Variants in RAB11FIP4 observed in about 807,000 individuals in gnomAD.
The protein encoded by RAB11FIP4 is rab11 family-interacting protein 4.
Under a neutral mutation model 74.3 loss-of-function variants are expected in RAB11FIP4, and 23 were observed. That is an observed-to-expected ratio of 0.31 (90% CI 0.22 to 0.44). The LOEUF (loss-of-function observed/expected upper bound fraction) is 0.44. Among genes scored for constraint, RAB11FIP4 ranks in the 20% least tolerant of loss-of-function variants. The pLI, the probability that RAB11FIP4 is intolerant of heterozygous loss-of-function variation, is 1.00. For missense variants in RAB11FIP4, 630 were observed against 863.9 expected (o/e 0.73, Z 3.39); for synonymous variants, 360 against 359.9 (o/e 1.00, Z 0.00).
intron 3 of RAB11FIP4, among the ~76,000 whole-genome samples, chr17:31,436,308 A>T (rs2071356496): frequency 6.6e-6 from 1 of 152,210 alleles, no homozygotes; most frequent in Non-Finnish European, 1.5e-5. Context: ...CTGCTGCTGT[A>T]AGAAAATGGT....
intron 3 of RAB11FIP4, among the ~76,000 whole-genome samples, chr17:31,472,664 G>C (rs2071749519): frequency 6.6e-6 from 1 of 152,168 alleles, no homozygotes; most frequent in Admixed American, 6.5e-5. Flanking sequence ...GGGAAGACAG[G>C]GATGGCCATG....
chr17:31,487,976 C>T lies in RAB11FIP4; in HGVS notation c.337-29675C>T, dbSNP rs540045670. 9.4e-3 allele frequency: 8,754 copies of T among 932,740 alleles called. 56 individuals are homozygous for T. The highest frequency in any genetic ancestry group is 0.011 in the Non-Finnish European group (8,288 of 778,860). 57.8% of individuals were successfully genotyped at this position (932,740 alleles called of 1,614,324 possible). ...CTGTCCTCCGCCCCCGCCCCCGCCC[C>T]GCCCCGGCGCGAGGCCCCGCCCCCG... On this transcript the variant is annotated intron_variant, in intron 3 of 14. Transcript: ENST00000621161.
rs1475758126 is a variant in RAB11FIP4 at position 31,488,078 on chromosome 17, G to C, written c.337-29573G>C. Reference sequence around the variant, plus strand: ...CCCTTCGGCCCACGCGGGTCTCCCGGCAACGGGCGGGGGCGGGGCCGCGCC... The same window carrying C: ...CCCTTCGGCCCACGCGGGTCTCCCGCCAACGGGCGGGGGCGGGGCCGCGCC... On this transcript the variant is annotated intron_variant, in intron 3 of 14. Transcript: ENST00000621161. 4 of 1,016,028 alleles carry C rather than the reference G, an allele frequency of 3.9e-6. No individual in the cohort carries two copies. The African/African-American group carries it at 6.9e-5, about 18-fold the overall frequency. The allele number at this position is 1,016,028 out of a possible 1,614,324, so 62.9% of individuals were successfully genotyped here. A position where few individuals can be genotyped will look rare whatever the true frequency, so the allele number is the denominator to read the frequency against.
chr17:31,413,602 G>A (rs546131406), intron 1 of RAB11FIP4, among the ~76,000 whole-genome samples: 7 of 151,398 alleles, frequency 4.6e-5, no homozygotes, highest in African/African-American at 1.5e-4. Flanking sequence ...CCAACGCCCC[G>A]CTTCTTGAAT....
chr17:31,502,909 G>T (rs546688758), intron 3 of RAB11FIP4, among the ~76,000 whole-genome samples: 1 of 152,120 alleles, frequency 6.6e-6, no homozygotes, highest in East Asian at 1.9e-4. Context: ...TCCCTGTGTC[G>T]TCACATGGTC....
chr17:31,463,528 TC>T (rs2071652913), intron 3 of RAB11FIP4, among the ~76,000 whole-genome samples: 1 of 152,064 alleles, frequency 6.6e-6, no homozygotes, highest in African/African-American at 2.4e-5. Context: ...AGAACCTCCC[TC>T]CACCAGGCCA....
Position 31,521,272 on chromosome 17 carries a change from G to A in RAB11FIP4, c.670G>A (p.Asp224Asn), listed in dbSNP as rs2072659744. 2 of 1,614,052 alleles carry A rather than the reference G, an allele frequency of 1.2e-6. No homozygotes were observed. The highest frequency in any genetic ancestry group is 1.7e-6 in the Non-Finnish European group (2 of 1,179,948). Residue 224 changes from aspartate (D) to asparagine (N), a missense_variant, in exon 5 of 15, where the codon GAT (aspartate) becomes AAT (asparagine). Physicochemically the swap from Asp to Asn is conservative, Grantham distance 23. Coordinates refer to ENST00000621161, the MANE Select transcript of RAB11FIP4 (RefSeq NM_032932.6). ...EQFEDYGEGD[D>N]VDCAPSSPCP... ...GTTTGAAGACTATGGGGAGGGTGACGATGTGGACTGTGCCCCCAGCAGCCC... is the reference window on the plus strand; with the variant it reads ...GTTTGAAGACTATGGGGAGGGTGACAATGTGGACTGTGCCCCCAGCAGCCC...
chr17:31,456,290 C>G (rs2071578004), intron 3 of RAB11FIP4, among the ~76,000 whole-genome samples: 1 of 131,540 alleles, frequency 7.6e-6, no homozygotes, highest in Non-Finnish European at 1.7e-5. Flanking sequence ...CAATCTTGGC[C>G]CAGCCTTCTA....
intron 3 of RAB11FIP4, among the ~76,000 whole-genome samples, chr17:31,464,401 A>G (rs1597931964): frequency 1.3e-5 from 2 of 152,114 alleles, no homozygotes; most frequent in Non-Finnish European, 2.9e-5. Flanking sequence ...CTGCTGCCTC[A>G]TTACAGAGAG....
rs1016047903 is a variant in RAB11FIP4, at chr17:31,521,063, C to T, written c.564-103C>T. Reference sequence around the variant, plus strand: ...CCAGGTCAAGAGCTACAAACTTAATCGGTAGTGCCAATTAAAGGGAAATGC... The same window carrying T: ...CCAGGTCAAGAGCTACAAACTTAATTGGTAGTGCCAATTAAAGGGAAATGC... On this transcript the variant is annotated intron_variant, in intron 4 of 14. Coordinates refer to ENST00000621161, the MANE Select transcript of RAB11FIP4 (RefSeq NM_032932.6). The T allele has an allele frequency of 6.0e-5, 52 of 867,338 alleles. No individual in the cohort carries two copies. In the African/African-American group the frequency reaches 7.3e-4, roughly 12 times the overall value. 53.7% of individuals were successfully genotyped at this position (867,338 alleles called of 1,614,324 possible).
intron 1 of RAB11FIP4, among the ~76,000 whole-genome samples, chr17:31,394,179 G>A (rs2070905128): frequency 6.6e-6 from 1 of 152,188 alleles, no homozygotes; most frequent in Non-Finnish European, 1.5e-5. Flanking sequence ...AAAATAAAAA[G>A]TATTGTGTCC....
intron 1 of RAB11FIP4, among the ~76,000 whole-genome samples, chr17:31,402,156 C>T (rs1177970297): frequency 2.6e-5 from 4 of 151,866 alleles, no homozygotes; most frequent in Non-Finnish European, 4.4e-5. Flanking sequence ...ATCCACCCTT[C>T]TGCCCACTTC....
rs114132266 is a variant in RAB11FIP4, at chr17:31,434,076, C to T, written c.290C>T (p.Ala97Val). Residue 97 changes from alanine (A) to valine (V), a missense_variant, in exon 3 of 15, where the codon GCG (alanine) becomes GTG (valine). Physicochemically the swap from Ala to Val is moderately conservative, Grantham distance 64. Transcript: ENST00000621161. ...LLKDVLSVES[A>V]GTLPCAPEIP... is the part of the protein sequence containing the mutation. ...AAGGATGTGCTGTCGGTGGAGAGCG[C>T]GGGGACGCTGCCGTGCGCGCCAGAG... is the stretch of plus-strand genomic sequence containing the variant. 1,916 of 1,587,402 alleles carry T rather than the reference C, an allele frequency of 1.2e-3. 15 individuals are homozygous for T. In the African/African-American group the frequency reaches 0.022, roughly 18 times the overall value.
At chr17:31,486,528 T>G (rs1279899715) in intron 3 of RAB11FIP4, among the ~76,000 whole-genome samples, 1 of 152,228 alleles carries the variant, frequency 6.6e-6, no homozygotes, top group Non-Finnish European at 1.5e-5. Flanking sequence ...CCTCCTGCTT[T>G]GGCCTCTCAT....
chr17:31,490,300 A>G (rs2071983572), intron 3 of RAB11FIP4, among the ~76,000 whole-genome samples: 1 of 151,820 alleles, frequency 6.6e-6, no homozygotes, highest in Admixed American at 6.6e-5. Context: ...CTTCATCTGT[A>G]CCCGTAGGTA....
rs181566438 is a variant in RAB11FIP4, at chr17:31,402,672, C to A, written c.159+10661C>A. The stretch of plus-strand genomic sequence containing the variant: ...AGTCTTGCTTTGTCGCCCAGGCTGG[C>A]GTGCAGTGGCGCAATCTTGACTCAC... On this transcript the variant is annotated intron_variant, in intron 1 of 14. Transcript: ENST00000621161. Among the ~76,000 whole-genome samples the A allele has an allele frequency of 4.0e-3, 601 of 151,404 alleles. 3 individuals carry two copies. Among genetic ancestry groups the A allele is most frequent in the African/African-American group, 0.012 (492 of 41,164 alleles).
chr17:31,466,978 A>G (rs2142724275), intron 3 of RAB11FIP4, among the ~76,000 whole-genome samples: 1 of 152,244 alleles, frequency 6.6e-6, no homozygotes, highest in South Asian at 2.1e-4. Flanking sequence ...ATGTTCTCAA[A>G]CATTGGCTCT....
intron 3 of RAB11FIP4, among the ~76,000 whole-genome samples, chr17:31,467,757 G>T (rs1389828346): frequency 6.6e-6 from 1 of 152,208 alleles, no homozygotes; most frequent in African/African-American, 2.4e-5. Context: ...CCATCTCAGT[G>T]CCCAAGGGAG....
chr17:31,446,142 G>A (rs899044853), intron 3 of RAB11FIP4, among the ~76,000 whole-genome samples: 16 of 151,580 alleles, frequency 1.1e-4, no homozygotes, highest in African/African-American at 3.9e-4. Context: ...CTGGTCCTTT[G>A]GGGTACTGCA....
Sources: allele counts gnomAD v4.1 joint callset (sites outside exome capture counted in the v4.1 genomes callset), GRCh38; gene constraint gnomAD v4.1.1; transcripts MANE v1.5; gene names NCBI Gene and HGNC (gene_info 2026-07-23, HGNC 2026-07-21).